Variants in DPP4 observed in about 807,000 individuals in gnomAD.
The protein encoded by DPP4 is ADCP-2.
A neutral mutation model predicts 122.4 loss-of-function variants in DPP4; 93 were observed. The observed-to-expected ratio is 0.76, with a 90% CI of 0.64 to 0.90. The LOEUF is 0.90. Ranked by LOEUF, DPP4 falls within the 40% of genes least tolerant of loss-of-function variation. The probability of loss-of-function intolerance (pLI) is 0.00; values close to 1 mark genes in which losing one functional copy is unlikely to be tolerated. For missense variants in DPP4, 914 were observed against 907.3 expected, an observed-to-expected ratio of 1.01 and a Z score of -0.09; for synonymous variants, 321 against 302.9, an observed-to-expected ratio of 1.06 and a Z score of -0.62.
intron 13 of DPP4, 73 bp downstream of exon 13, chr2:162,020,508 G>C: frequency 8.3e-7 from 1 of 1,200,142 alleles, no homozygotes; most frequent in South Asian, 1.5e-5. Flanking sequence ...CTTACCAAAT[G>C]ATTTCCACTT....
chr2:162,065,512 A>G (rs1261186289), intron 2 of DPP4, among the ~76,000 whole-genome samples: 5 of 152,198 alleles, frequency 3.3e-5, no homozygotes, highest in South Asian at 2.1e-4. Flanking sequence ...GCTAATGACA[A>G]TACAGTAATA....
chr2:162,012,120 T>TCCCA, intron 19 of DPP4, 133 bp from the exon 20 acceptor site: 1 of 745,804 alleles, frequency 1.3e-6, no homozygotes, highest in Non-Finnish European at 2.1e-6. Flanking sequence ...GCCTATGGGG[T>TCCCA]GTCCAGAATG....
chr2:162,043,293 T>C (rs12995983), intron 5 of DPP4, among the ~76,000 whole-genome samples: 30,746 of 152,130 alleles, frequency 0.2, 3,989 homozygotes, highest in Admixed American at 0.33. Flanking sequence ...CAGACTGTGT[T>C]CAATCACACA....
At chr2:162,069,415 A>G (rs1685045642) in intron 2 of DPP4, among the ~76,000 whole-genome samples, 1 of 152,218 alleles carries the variant, frequency 6.6e-6, no homozygotes, top group Non-Finnish European at 1.5e-5. Flanking sequence ...ATCCAGCTCC[A>G]GTCTTTTTAT....
At chr2:161,994,796 C>T (rs948095242) in intron 25 of DPP4, among the ~76,000 whole-genome samples, 165 bp downstream of exon 25, 3 of 152,164 alleles carry the variant, frequency 2.0e-5, no homozygotes, top group Non-Finnish European at 4.4e-5. Flanking sequence ...GAGCATTACT[C>T]TGTGCATGGC....
chr2:162,030,195 C>T (rs2106113693), intron 10 of DPP4, among the ~76,000 whole-genome samples: 1 of 152,302 alleles, frequency 6.6e-6, no homozygotes, highest in African/African-American at 2.4e-5. Context: ...TTCCAGTTCT[C>T]ATTATGAACA....
intron 18 of DPP4, among the ~76,000 whole-genome samples, chr2:162,016,316 G>A (rs1682923396): frequency 6.6e-6 from 1 of 152,184 alleles, no homozygotes; most frequent in African/African-American, 2.4e-5. Context: ...ACTATGGGAG[G>A]TCAGCAGGGT....
chr2:162,025,354 A>G (rs1683288114), intron 10 of DPP4, among the ~76,000 whole-genome samples: 1 of 152,128 alleles, frequency 6.6e-6, no homozygotes, highest in South Asian at 2.1e-4. Flanking sequence ...TGTATTTTAC[A>G]TGCTTCTCCA....
chr2:162,073,060 A>G (rs1329883351), intron 2 of DPP4, among the ~76,000 whole-genome samples: 3 of 152,112 alleles, frequency 2.0e-5, no homozygotes, highest in Non-Finnish European at 4.4e-5. Context: ...CACACCCAAA[A>G]ACTTTTCTCA....
chr2:162,055,229 T>C (rs1458801724), intron 2 of DPP4, among the ~76,000 whole-genome samples: 1 of 152,230 alleles, frequency 6.6e-6, no homozygotes, highest in East Asian at 1.9e-4. Flanking sequence ...TATTAATACA[T>C]GCCTAACACC....
At chr2:162,006,470 T>C (rs966796360) in intron 22 of DPP4, among the ~76,000 whole-genome samples, 3 of 152,172 alleles carry the variant, frequency 2.0e-5, no homozygotes, top group Admixed American at 6.5e-5. Context: ...AGCTACTCCA[T>C]CATGATGCAA....
intron 2 of DPP4, among the ~76,000 whole-genome samples, chr2:162,059,505 A>G (rs1430376732): frequency 6.6e-6 from 1 of 152,248 alleles, no homozygotes; most frequent in Non-Finnish European, 1.5e-5. Context: ...CTCTTCACAT[A>G]TACTTAAAAG....
chr2:162,014,578 G>C (rs1372669672), intron 18 of DPP4, 113 bp from the exon 19 acceptor site: 11 of 726,688 alleles, frequency 1.5e-5, no homozygotes, highest in Non-Finnish European at 2.5e-5. Context: ...TTTGTTAAAT[G>C]AGAGTAGAAA....
At chr2:162,064,648 A>G (rs1684891889) in intron 2 of DPP4, among the ~76,000 whole-genome samples, 1 of 152,214 alleles carries the variant, frequency 6.6e-6, no homozygotes, top group Non-Finnish European at 1.5e-5. Context: ...TGGATTTTCT[A>G]GAGGTAAATT....
chr2:162,048,870 A>G (rs1284207758), intron 2 of DPP4, among the ~76,000 whole-genome samples: 2 of 152,158 alleles, frequency 1.3e-5, no homozygotes, highest in Non-Finnish European at 2.9e-5. Flanking sequence ...TGTTCGTTTT[A>G]ATTTTTACGT....
intron 2 of DPP4, among the ~76,000 whole-genome samples, chr2:162,063,038 C>G (rs1301027904): frequency 6.6e-6 from 1 of 151,258 alleles, no homozygotes. Context: ...GCAATTGTGT[C>G]TTTGACCAGG....
chr2:162,020,468 T>C, intron 13 of DPP4, 113 bp downstream of exon 13: 1 of 1,027,772 alleles, frequency 9.7e-7, no homozygotes, highest in Non-Finnish European at 1.4e-6. Context: ...GGAGTTTAAA[T>C]TAATCTGATT....
At chr2:162,014,302 AG>A (rs975418977) in intron 19 of DPP4, 93 bp downstream of exon 19, 105 of 969,774 alleles carry the variant, frequency 1.1e-4, no homozygotes, top group Middle Eastern at 8.4e-4. Flanking sequence ...GAAGAGGGAA[AG>A]GACGCATTTG....
At chr2:162,004,603 G>A (rs80352605) in intron 23 of DPP4, among the ~76,000 whole-genome samples, 1,391 of 113,630 alleles carry the variant, frequency 0.012, 18 homozygotes, top group African/African-American at 0.042. Context: ...ACACACACAC[G>A]CACACACACA....
Sources: allele counts gnomAD v4.1 joint callset (sites outside exome capture counted in the v4.1 genomes callset), GRCh38; gene constraint gnomAD v4.1.1; transcripts MANE v1.5; gene names NCBI Gene and HGNC (gene_info 2026-07-23, HGNC 2026-07-21).